Variants in SNRPN observed in about 807,000 individuals in gnomAD.
SNRPN encodes the protein small nuclear ribonucleoprotein polypeptide N.
In SNRPN, 7 loss-of-function variants were observed where a neutral mutation model predicts 25.2. The observed-to-expected ratio is 0.28, with a 90% CI of 0.16 to 0.52. The LOEUF (loss-of-function observed/expected upper bound fraction) is 0.52, where lower values mean the gene tolerates loss of function less well. SNRPN is among the 20% of genes least tolerant of loss of function. The probability of loss-of-function intolerance (pLI) is 0.96; values close to 1 mark genes in which losing one functional copy is unlikely to be tolerated. For synonymous variants in SNRPN, 124 were observed against 110.6 expected (o/e 1.12, Z -0.76); for missense variants, 196 against 322.5 (o/e 0.61, Z 3.00).
intron 3 of SNRPN, among the ~76,000 whole-genome samples, chr15:24,933,046 G>C (rs1185209042): frequency 3.9e-5 from 6 of 152,280 alleles, no homozygotes; most frequent in Middle Eastern, 3.4e-3. Context: ...AGGATTACTT[G>C]AGTCCAGGAG....
chr15:24,935,944 G>A (rs989335070), intron 3 of SNRPN, among the ~76,000 whole-genome samples: 39 of 151,834 alleles, frequency 2.6e-4, no homozygotes, highest in Non-Finnish European at 1.2e-4. Flanking sequence ...TGAAAACCAC[G>A]TCTCTACTAA....
chr15:24,916,132 T>G (rs763939088), intron 2 of SNRPN, among the ~76,000 whole-genome samples: 41 of 152,044 alleles, frequency 2.7e-4, no homozygotes, highest in Non-Finnish European at 4.3e-4. Flanking sequence ...GGCTAACTTT[T>G]GTATTTTTAG....
intron 3 of SNRPN, among the ~76,000 whole-genome samples, chr15:24,973,896 A>G (rs2076763736): frequency 6.6e-6 from 1 of 152,220 alleles, no homozygotes; most frequent in Non-Finnish European, 1.5e-5. Context: ...AAGAAAGAAT[A>G]TTGCAAATGA....
At position 24,840,764 on chromosome 15, in the gene SNRPN, G is replaced by C. The variant is rs139349215; in HGVS notation, c.-579+10859G>C. Among the ~76,000 whole-genome samples the C allele has an allele frequency of 6.2e-3, 949 of 152,286 alleles. 11 individuals are homozygous for C. Among genetic ancestry groups the C allele is most frequent in the Non-Finnish European group, 9.6e-3 (650 of 68,022 alleles). ...ATCTGGGATACTGTTTTGGCTTCTT[G>C]CTCAGGTAGCTTTGGCATTCATTGT... On this transcript the variant is annotated intron_variant, in intron 2 of 12. Coordinates refer to the SNRPN transcript ENST00000400100.
Position 24,895,879 on chromosome 15 carries a change from G to T in SNRPN, c.-505+9290G>T, listed in dbSNP as rs549091093. Among the ~76,000 whole-genome samples the T allele has an allele frequency of 2.2e-4, 33 of 152,250 alleles. 1 individual carries two copies. The highest frequency in any genetic ancestry group is 7.5e-4 in the African/African-American group (31 of 41,546). ...CTCTATGTTTGCAGAACACCACATA[G>T]TCACAGCGATGCAAATGGAAAGGAA... On this transcript the variant is annotated intron_variant, in intron 2 of 11. Coordinates refer to the SNRPN transcript ENST00000400097.
intron 1 of SNRPN, among the ~76,000 whole-genome samples, chr15:24,879,475 T>G (rs1246990800): frequency 3.9e-5 from 6 of 152,100 alleles, no homozygotes; most frequent in Admixed American, 3.3e-4. Context: ...TACATTTAAT[T>G]GAAGCTCAGA....
chr15:24,914,790 GA>G (rs928491777), intron 2 of SNRPN, among the ~76,000 whole-genome samples: 20 of 152,158 alleles, frequency 1.3e-4, no homozygotes, highest in African/African-American at 4.8e-4. Context: ...GCATGGTAAA[GA>G]AAACTTTATT....
At chr15:24,897,228 G>A (rs1334540865) in intron 2 of SNRPN, among the ~76,000 whole-genome samples, 1 of 152,176 alleles carries the variant, frequency 6.6e-6, no homozygotes, top group Non-Finnish European at 1.5e-5. Flanking sequence ...TATTTCACCT[G>A]AAAATCCAGC....
intron 1 of SNRPN, among the ~76,000 whole-genome samples, chr15:24,958,285 T>C (rs1164663736): frequency 6.6e-6 from 1 of 152,076 alleles, no homozygotes; most frequent in Non-Finnish European, 1.5e-5. Context: ...TTTAGCTATT[T>C]TTTAGGAAGA....
At chr15:24,844,150 GTT>G (rs58871387) in intron 2 of SNRPN, among the ~76,000 whole-genome samples, 1 of 151,700 alleles carries the variant, frequency 6.6e-6, no homozygotes, top group African/African-American at 2.4e-5. Context: ...GTGTGTGTGT[GTT>G]TGTGTGTGCG....
At chr15:24,951,531 A>G (rs893866761), upstream of SNRPN, among the ~76,000 whole-genome samples, 8 of 146,742 alleles carry the variant, frequency 5.5e-5, no homozygotes, top group Admixed American at 4.8e-4. Flanking sequence ...TTTTTTTGAG[A>G]CAGTCTCACT....
At chr15:24,847,783 T>C (rs1045793314) in intron 2 of SNRPN, among the ~76,000 whole-genome samples, 3 of 152,200 alleles carry the variant, frequency 2.0e-5, no homozygotes, top group African/African-American at 7.2e-5. Context: ...AATCCCATTA[T>C]GCTAATTGAT....
At chr15:24,846,248 C>A (rs1312051477) in intron 2 of SNRPN, among the ~76,000 whole-genome samples, 2 of 152,214 alleles carry the variant, frequency 1.3e-5, no homozygotes, top group East Asian at 3.9e-4. Context: ...CGAAGTATAT[C>A]ACGTTTTTAT....
rs1349255275 is a variant in SNRPN, at chr15:24,918,355, AT to A, written c.-504-1654del. On this transcript the variant is annotated intron_variant, in intron 2 of 11. Transcript: ENST00000400097. ...ATATATATGTGTATATATATATAAC[AT>A]TATATATATGTGTATATATATAACA... Among the ~76,000 whole-genome samples the A allele has an allele frequency of 1.8e-3, 199 of 109,620 alleles. 2 individuals are homozygous for A. Among genetic ancestry groups the A allele is most frequent in the African/African-American group, 6.7e-3 (189 of 28,008 alleles). 71.9% of individuals were successfully genotyped at this position (109,620 alleles called of 152,430 possible).
At chr15:24,933,009 C>T (rs966908250) in intron 3 of SNRPN, among the ~76,000 whole-genome samples, 3 of 152,218 alleles carry the variant, frequency 2.0e-5, no homozygotes, top group Non-Finnish European at 4.4e-5. Flanking sequence ...TGCATGTAAT[C>T]CCAGCGCTTT....
At chr15:24,895,459 G>C (rs1255107768) in intron 2 of SNRPN, among the ~76,000 whole-genome samples, 1 of 150,328 alleles carries the variant, frequency 6.7e-6, no homozygotes, top group Non-Finnish European at 1.5e-5. Flanking sequence ...CATTCCCTAT[G>C]ACTATCTTAA....
chr15:24,974,819 A>G (rs2076880453), intron 4 of SNRPN: 3 of 662,258 alleles, frequency 4.5e-6, no homozygotes, highest in East Asian at 2.7e-5. Flanking sequence ...TCGGCCTCCC[A>G]AAGTGCTGGG....
upstream of SNRPN, among the ~76,000 whole-genome samples, chr15:24,952,522 G>A (rs2062359825): frequency 6.6e-6 from 1 of 152,104 alleles, no homozygotes; most frequent in African/African-American, 2.4e-5. Flanking sequence ...AAATATAAGT[G>A]AGCCTAATGG....
At chr15:24,966,263 A>G (rs2075615014) in intron 2 of SNRPN, among the ~76,000 whole-genome samples, 1 of 150,822 alleles carries the variant, frequency 6.6e-6, no homozygotes, top group Non-Finnish European at 1.5e-5. Context: ...AGTAGATCTC[A>G]AGAAAGTGCT....
Sources: allele counts gnomAD v4.1 joint callset (sites outside exome capture counted in the v4.1 genomes callset), GRCh38; gene constraint gnomAD v4.1.1; transcripts MANE v1.5; gene names NCBI Gene and HGNC (gene_info 2026-07-23, HGNC 2026-07-21).